The following RBM33 variants were observed in gnomAD, a reference collection of about 807,000 sequenced individuals.
RBM33 encodes RNA binding motif protein 33.
A neutral mutation model predicts 132.6 loss-of-function variants in RBM33; 28 were observed. That is an observed-to-expected ratio of 0.21 (90% confidence interval 0.16 to 0.29). RBM33 has a LOEUF of 0.29. Among genes scored for constraint, RBM33 ranks in the 10% least tolerant of loss-of-function variants. The pLI is 1.00. For synonymous variants in RBM33, 634 were observed against 593.0 expected, an observed-to-expected ratio of 1.07 and a Z score of -1.01; for missense variants, 1,291 against 1,518.5, an observed-to-expected ratio of 0.85 and a Z score of 2.49.
At chr7:155,766,947 T>C (rs1303644679) in intron 16 of RBM33, 1 of 365,268 alleles carries the variant, frequency 2.7e-6, no homozygotes. Context: ...CTTGCACACA[T>C]ACATACAAAA....
At position 155,711,124 on chromosome 7, in the gene RBM33, T is replaced by C. The variant is rs1312363991; in HGVS notation, c.949-79T>C. The C allele has an allele frequency of 2.1e-6, 3 of 1,424,036 alleles. No homozygotes were observed. In the South Asian group the frequency reaches 4.7e-5, roughly 22 times the overall value. The allele number at this position is 1,424,036 out of a possible 1,614,324, so 88.2% of individuals were successfully genotyped here. A position where few individuals can be genotyped will look rare whatever the true frequency, so the allele number is the denominator to read the frequency against. On this transcript the variant is annotated intron_variant, in intron 7 of 17. Transcript: ENST00000401878. ...AAATTTGTAACACATCAGCATTCTTTTAAATGTTGATTTCGGTGAACTTTT... is the reference window on the plus strand; with the variant it reads ...AAATTTGTAACACATCAGCATTCTTCTAAATGTTGATTTCGGTGAACTTTT...
In RBM33 at chr7:155,776,208, A is replaced by AT. The variant is rs1802603362; in HGVS notation, c.*1170dup. The AT allele has an allele frequency of 6.5e-6, 1 of 152,674 alleles. No individual in the cohort carries two copies. Among genetic ancestry groups the AT allele is most frequent in the South Asian group, 2.1e-4 (1 of 4,834 alleles). 9.5% of individuals were successfully genotyped at this position (152,674 alleles called of 1,614,324 possible). A position where few individuals can be genotyped will look rare whatever the true frequency, so the allele number is the denominator to read the frequency against. On this transcript the variant is annotated 3_prime_UTR_variant, in exon 18 of 18. Coordinates refer to ENST00000401878, the MANE Select transcript of RBM33 (RefSeq NM_053043.3). This position sits in a 1 kb window ranked among gnomAD's most constrained non-coding sequence, Gnocchi z 4.0. ...AACACTGAAAAAAGTGCCTTACAGT[A>AT]TTTCTGCTCATGAAAGAGTTTCACT...
intron 16 of RBM33, among the ~76,000 whole-genome samples, chr7:155,768,720 G>A (rs71536009): frequency 1.6e-4 from 25 of 152,216 alleles, no homozygotes; most frequent in Non-Finnish European, 3.4e-4. Context: ...GGGTTCAAGC[G>A]ATTCTCCTGC....
At chr7:155,718,290 A>G (rs924715632) in intron 8 of RBM33, 95 bp from the exon 9 acceptor site, 27 of 914,002 alleles carry the variant, frequency 3.0e-5, no homozygotes, top group Middle Eastern at 2.2e-4. Context: ...TCTGGTACGC[A>G]TAGTATATAT....
chr7:155,754,838 G>T (rs146698812), intron 14 of RBM33, among the ~76,000 whole-genome samples: 2 of 152,288 alleles, frequency 1.3e-5, no homozygotes, highest in Non-Finnish European at 2.9e-5. Context: ...GTCCAACCTG[G>T]TCTCTCTAAC....
At chr7:155,666,258 A>C (rs1798798486) in intron 2 of RBM33, among the ~76,000 whole-genome samples, 1 of 152,214 alleles carries the variant, frequency 6.6e-6, no homozygotes, top group South Asian at 2.1e-4. Context: ...TCCCTATCTG[A>C]GCCTGGAGGC....
intron 9 of RBM33, among the ~76,000 whole-genome samples, chr7:155,733,042 G>A (rs908136414): frequency 6.6e-6 from 1 of 152,214 alleles, no homozygotes; most frequent in Non-Finnish European, 1.5e-5. Context: ...TGGCCAGAGA[G>A]TGAAGCAGGG....
chr7:155,769,020 CTTAAACTACA>C (rs1802318623), intron 16 of RBM33, among the ~76,000 whole-genome samples: 1 of 152,126 alleles, frequency 6.6e-6, no homozygotes, highest in Admixed American at 6.5e-5. Flanking sequence ...GTTTTACTTC[CTTAAACTACA>C]TTAATAAGCC....
Position 155,678,666 on chromosome 7 carries a change from A to G in RBM33, c.230A>G (p.Glu77Gly). The G allele has an allele frequency of 6.4e-7, 1 of 1,571,354 alleles. No individual in the cohort carries two copies. Among genetic ancestry groups the G allele is most frequent in the South Asian group, 1.2e-5 (1 of 86,092 alleles). ...LNDDLLQSDNEDEENFSSQGV... is the reference protein window; with the variant it reads ...LNDDLLQSDNGDEENFSSQGV... ...GATGATCTTTTGCAGAGTGATAATG[A>G]AGATGAAGAAAATTTCAGGTACTCA... The change falls in exon 4 of 18, where the codon GAA becomes GGA. Residue 77 changes from glutamate (E) to glycine (G), a missense_variant. Around this residue, in one of 7 missense-constraint regions of RBM33, gnomAD observed 194 missense variants for 249.8 expected, o/e 0.78. Coordinates refer to ENST00000401878, the MANE Select transcript of RBM33 (RefSeq NM_053043.3).
chr7:155,717,113 A>G (rs966401026), intron 8 of RBM33, among the ~76,000 whole-genome samples: 2 of 152,228 alleles, frequency 1.3e-5, no homozygotes, highest in Non-Finnish European at 2.9e-5. Context: ...TTTCACATTT[A>G]GCAGAAACTT....
intron 16 of RBM33, among the ~76,000 whole-genome samples, chr7:155,770,527 A>G (rs1297115982): frequency 6.6e-6 from 1 of 151,202 alleles, no homozygotes; most frequent in Non-Finnish European, 1.5e-5. Context: ...AAGAATTTAC[A>G]TCTCTCATGA....
At chr7:155,709,037 C>T (rs559926693) in intron 7 of RBM33, among the ~76,000 whole-genome samples, 1 of 152,144 alleles carries the variant, frequency 6.6e-6, no homozygotes, top group African/African-American at 2.4e-5. Flanking sequence ...GGGCCTTGGG[C>T]ATCACACGGT....
intron 8 of RBM33, 27 bp from the exon 9 acceptor site, chr7:155,718,358 C>T (rs1387128019): frequency 6.2e-7 from 1 of 1,603,862 alleles, no homozygotes; most frequent in African/African-American, 1.3e-5. Context: ...TAAAGTGTGT[C>T]TCTAACACAA....
At chr7:155,752,579 C>T (rs923509840) in intron 14 of RBM33, among the ~76,000 whole-genome samples, 4 of 152,146 alleles carry the variant, frequency 2.6e-5, no homozygotes, top group Non-Finnish European at 5.9e-5. Flanking sequence ...AGTGTTGATA[C>T]ATGGAAAGGC....
intron 8 of RBM33, 116 bp downstream of exon 8, chr7:155,711,571 G>T: frequency 3.5e-6 from 2 of 578,150 alleles, no homozygotes; most frequent in Non-Finnish European, 5.6e-6. Flanking sequence ...AGCAGTATGC[G>T]TTCAGAAGAA....
chr7:155,739,818 A>AC lies in RBM33; in HGVS notation c.1841_1842insC (p.Gln614HisfsTer71). On this transcript the variant is annotated frameshift_variant, in exon 12 of 18. Transcript: ENST00000401878. LOFTEE classifies it high-confidence loss of function. ...CAGCCTCCGCACCAGCCCCCGCACCAGCCCCCGCCCCAGCACCAGCCCCCA... is the reference window on the plus strand; with the variant it reads ...CAGCCTCCGCACCAGCCCCCGCACCACGCCCCCGCCCCAGCACCAGCCCCCA... 2.9e-6 allele frequency: 1 copy of AC among 346,422 alleles called. No homozygotes were observed. The highest frequency in any genetic ancestry group is 4.3e-6 in the Non-Finnish European group (1 of 234,214). The allele number at this position is 346,422 out of a possible 1,614,324, so 21.5% of individuals were successfully genotyped here. A position where few individuals can be genotyped will look rare whatever the true frequency, so the allele number is the denominator to read the frequency against.
At chr7:155,704,580 C>G (rs1800061564) in intron 6 of RBM33, among the ~76,000 whole-genome samples, 1 of 152,166 alleles carries the variant, frequency 6.6e-6, no homozygotes, top group Non-Finnish European at 1.5e-5. Context: ...CTCTTTTCGT[C>G]TAGGAGGTGG....
intron 5 of RBM33, among the ~76,000 whole-genome samples, chr7:155,694,697 G>A (rs1324219249): frequency 1.3e-5 from 2 of 152,176 alleles, no homozygotes; most frequent in African/African-American, 2.4e-5. Flanking sequence ...GCGCTCCTGT[G>A]TCTTGCTTCT....
In RBM33 at chr7:155,779,430, A is replaced by G. The variant is rs1020476934; in HGVS notation, c.*4389A>G. The stretch of plus-strand genomic sequence containing the variant: ...AGATACTTTAGTGTATTTAAAGAGC[A>G]TTTCAGTTAACTTTTTCAGCTATTT... On this transcript the variant is annotated 3_prime_UTR_variant, in exon 18 of 18. Transcript: ENST00000401878. 8.5e-5 allele frequency: 13 copies of G among 152,140 alleles called. No individual in the cohort carries two copies. 9.4% of individuals were successfully genotyped at this position (152,140 alleles called of 1,614,324 possible).
Sources: gnomAD v4.1 joint callset for allele counts (sites outside exome capture counted in the v4.1 genomes callset) on GRCh38, gnomAD v4.1.1 for gene constraint, gnomAD v4.1.1 regional missense constraint, Gnocchi (gnomAD v3.1) non-coding constraint, MANE v1.5 for transcripts, NCBI Gene and HGNC (gene_info 2026-07-23, HGNC 2026-07-21) for gene names.